The following CNTLN variants were observed in gnomAD, a reference collection of about 807,000 sequenced individuals.
CNTLN encodes the protein centlein.
A neutral mutation model predicts 180.0 loss-of-function variants in CNTLN; 212 were observed. The ratio of observed to expected loss-of-function variants is 1.18; its 90% CI spans 1.05 to 1.32. The LOEUF (loss-of-function observed/expected upper bound fraction) is 1.32, where lower values mean the gene tolerates loss of function less well. Ranked by LOEUF, CNTLN falls within the 40% of genes most tolerant of loss-of-function variation. The pLI, the probability that CNTLN is intolerant of heterozygous loss-of-function variation, is 0.00. For synonymous variants in CNTLN, 722 were observed against 563.1 expected, an observed-to-expected ratio of 1.28 and a Z score of -3.99; for missense variants, 2,095 against 1,610.9, an observed-to-expected ratio of 1.30 and a Z score of -5.14.
intron 11 of CNTLN, 47 bp downstream of exon 11, chr9:17,340,995 A>G: frequency 7.8e-6 from 12 of 1,539,330 alleles, no homozygotes; most frequent in Non-Finnish European, 1.0e-5. Flanking sequence ...ATTAAATGGA[A>G]TGGAGTAGCA....
chr9:17,244,236 T>C (rs1349156043), intron 5 of CNTLN, among the ~76,000 whole-genome samples: 1 of 151,092 alleles, frequency 6.6e-6, no homozygotes, highest in Admixed American at 6.6e-5. Context: ...TTTTGACACA[T>C]GGTCTCGCTC....
At chr9:17,368,401 C>T (rs1824013753) in intron 13 of CNTLN, among the ~76,000 whole-genome samples, 1 of 152,194 alleles carries the variant, frequency 6.6e-6, no homozygotes, top group South Asian at 2.1e-4. Flanking sequence ...TCTCTGGACC[C>T]ACCCAGGGCT....
chr9:17,330,856 A>G (rs1373788844), intron 9 of CNTLN, 48 bp downstream of exon 9: 3 of 1,517,436 alleles, frequency 2.0e-6, no homozygotes, highest in Non-Finnish European at 2.7e-6. Context: ...GAGGCTGGAA[A>G]GACAAGAGAT....
At chr9:17,295,997 AGTGTGTGTGTGTGTGTGTGT>A (rs66515360) in intron 6 of CNTLN, among the ~76,000 whole-genome samples, 9 of 91,290 alleles carry the variant, frequency 9.9e-5, no homozygotes, top group African/African-American at 2.4e-4. Flanking sequence ...AGAGAGAGAG[AGTGTGTGTGTGTGTGTGTGT>A]GTGTGTGTGT....
At chr9:17,444,398 A>C (rs1159123478) in intron 18 of CNTLN, among the ~76,000 whole-genome samples, 1 of 152,216 alleles carries the variant, frequency 6.6e-6, no homozygotes, top group Non-Finnish European at 1.5e-5. Flanking sequence ...CACCTACATG[A>C]GTAATTGACA....
intron 25 of CNTLN, among the ~76,000 whole-genome samples, chr9:17,495,989 A>G (rs758445553): frequency 6.6e-6 from 1 of 152,196 alleles, no homozygotes; most frequent in Non-Finnish European, 1.5e-5. Flanking sequence ...AACAGGCTAT[A>G]TCATCTAGGT....
intron 18 of CNTLN, among the ~76,000 whole-genome samples, chr9:17,437,106 C>T (rs1472925790): frequency 2.0e-5 from 3 of 152,180 alleles, no homozygotes; most frequent in Non-Finnish European, 4.4e-5. Context: ...TGAAATGTCA[C>T]TCGGATCATG....
intron 18 of CNTLN, among the ~76,000 whole-genome samples, chr9:17,450,929 A>C (rs565688019): frequency 4.2e-4 from 64 of 152,286 alleles, no homozygotes; most frequent in African/African-American, 1.3e-3. Context: ...TCTTACTTTT[A>C]AATTACTAAA....
chr9:17,373,819 C>G (rs10963070), intron 13 of CNTLN, among the ~76,000 whole-genome samples: 9,454 of 152,134 alleles, frequency 0.062, 393 homozygotes, highest in South Asian at 0.13. Flanking sequence ...ATTCATACCT[C>G]CATATAAACT....
At chr9:17,431,655 T>A (rs1011597155) in intron 18 of CNTLN, among the ~76,000 whole-genome samples, 4 of 152,084 alleles carry the variant, frequency 2.6e-5, no homozygotes, top group African/African-American at 9.7e-5. Context: ...TGTTTCTTCC[T>A]AGTAGTTTCA....
chr9:17,414,063 C>T (rs1335616250), intron 16 of CNTLN, among the ~76,000 whole-genome samples: 17 of 152,170 alleles, frequency 1.1e-4, no homozygotes, highest in Admixed American at 1.1e-3. Context: ...ATACAATGTC[C>T]TAGCTTTCTG....
At chr9:17,170,963 T>C (rs1820385812) in intron 2 of CNTLN, among the ~76,000 whole-genome samples, 1 of 152,210 alleles carries the variant, frequency 6.6e-6, no homozygotes, top group African/African-American at 2.4e-5. Flanking sequence ...GTTTGTAGCT[T>C]GAGAGTTATA....
At chr9:17,510,536 T>G in the CNTLN span, among the ~76,000 whole-genome samples, 1 of 152,158 alleles carries the variant, frequency 6.6e-6, no homozygotes. Flanking sequence ...TAAAGCAGAT[T>G]GCCCTCCATA....
rs1214970206 is a variant in CNTLN, at chr9:17,147,960, A to G, written c.449+4584A>G. On this transcript the variant is annotated intron_variant, in intron 2 of 25. Coordinates refer to ENST00000380647, the MANE Select transcript of CNTLN (RefSeq NM_017738.4). ...GAAATGAAAAGAATAATCCTGCCCA[A>G]TTAAAGAATTATACTACTATACTTC... Among the ~76,000 whole-genome samples, 9 of 152,222 alleles carry G rather than the reference A, an allele frequency of 5.9e-5. 1 individual carries two copies. The highest frequency in any genetic ancestry group is 1.2e-4 in the Non-Finnish European group (8 of 68,044).
intron 11 of CNTLN, among the ~76,000 whole-genome samples, chr9:17,342,095 A>G (rs1357998620): frequency 1.3e-5 from 2 of 152,126 alleles, no homozygotes; most frequent in African/African-American, 4.8e-5. Context: ...TTAGAATATC[A>G]TGTGTCTGCT....
chr9:17,254,007 G>T (rs112963605), intron 5 of CNTLN, among the ~76,000 whole-genome samples: 4,193 of 151,622 alleles, frequency 0.028, 78 homozygotes, highest in Middle Eastern at 0.075. Context: ...ATTTTATCAT[G>T]ATTTTTCTGT....
intron 23 of CNTLN, among the ~76,000 whole-genome samples, chr9:17,475,890 A>G (rs56216037): frequency 8.2e-6 from 1 of 121,332 alleles, no homozygotes; most frequent in Non-Finnish European, 1.9e-5. Flanking sequence ...AAAAAAAAAA[A>G]GAAGATAGGA....
At chr9:17,435,820 C>A (rs991155934) in intron 18 of CNTLN, among the ~76,000 whole-genome samples, 5 of 152,128 alleles carry the variant, frequency 3.3e-5, no homozygotes, top group Middle Eastern at 3.2e-3. Flanking sequence ...GTCTTGGCCT[C>A]CCCAAGTGCT....
At chr9:17,404,616 T>A (rs1019863857) in intron 15 of CNTLN, among the ~76,000 whole-genome samples, 3 of 151,838 alleles carry the variant, frequency 2.0e-5, no homozygotes, top group Non-Finnish European at 2.9e-5. Context: ...ATTATACACC[T>A]GTTAGTACTC....
Sources: gnomAD v4.1 joint callset for allele counts (sites outside exome capture counted in the v4.1 genomes callset) on GRCh38, gnomAD v4.1.1 for gene constraint, MANE v1.5 for transcripts, NCBI Gene and HGNC (gene_info 2026-07-23, HGNC 2026-07-21) for gene names.